DNAJB6: variants seen among roughly 807,000 people sequenced by gnomAD.
DNAJB6 encodes the protein DnaJ heat shock protein family (Hsp40) member B6.
DNAJB6 carries 16 observed loss-of-function variants against 42.7 expected under a neutral mutation model. That is an observed-to-expected ratio of 0.37 (90% CI 0.25 to 0.57). The LOEUF (loss-of-function observed/expected upper bound fraction) is 0.57, where lower values mean the gene tolerates loss of function less well. DNAJB6 is among the 20% of genes least tolerant of loss of function. The pLI is 0.74. For missense variants in DNAJB6, 347 were observed against 416.8 expected (o/e 0.83, Z 1.46); for synonymous variants, 170 against 163.5 (o/e 1.04, Z -0.30).
intron 8 of DNAJB6, among the ~76,000 whole-genome samples, chr7:157,393,924 C>A (rs1801467459): frequency 6.6e-6 from 1 of 152,176 alleles, no homozygotes; most frequent in Admixed American, 6.5e-5. Context: ...TTTATGTGTT[C>A]ACTGGAAGCA....
At position 157,385,123 on chromosome 7, in the gene DNAJB6, G is replaced by A. The variant is rs114756732; in HGVS notation, c.620+115G>A. 1,319 of 1,110,760 alleles carry A rather than the reference G, an allele frequency of 1.2e-3. 11 individuals are homozygous for A. In the African/African-American group the frequency reaches 0.017, roughly 15 times the overall value. 68.8% of individuals were successfully genotyped at this position (1,110,760 alleles called of 1,614,324 possible). On this transcript the variant is annotated intron_variant, in intron 7 of 9. Transcript: ENST00000262177. Reference sequence around the variant, plus strand: ...GAGGTTGTTGTATGCTAAATCTGGCGCCATGAAAATCTTTTGCTCTCCAAA... The same window carrying A: ...GAGGTTGTTGTATGCTAAATCTGGCACCATGAAAATCTTTTGCTCTCCAAA...
At chr7:157,354,313 A>G (rs952389715) in intron 1 of DNAJB6, among the ~76,000 whole-genome samples, 1 of 151,786 alleles carries the variant, frequency 6.6e-6, no homozygotes, top group Admixed American at 6.6e-5. Context: ...ACGCCCGGCT[A>G]ATTTTGTATT....
chr7:157,352,010 C>G (rs906284001), intron 1 of DNAJB6, among the ~76,000 whole-genome samples: 1 of 151,674 alleles, frequency 6.6e-6, no homozygotes, highest in African/African-American at 2.4e-5. Flanking sequence ...AACAAACAAA[C>G]AAACAAACAA....
chr7:157,370,769 C>G (rs899147946), intron 5 of DNAJB6: 16 of 152,604 alleles, frequency 1.0e-4, no homozygotes, highest in Non-Finnish European at 7.3e-5. Flanking sequence ...TATAGGTGTT[C>G]TAGATGACTT....
Position 157,416,281 on chromosome 7 carries a change from G to T in DNAJB6, c.*183G>T. The T allele has an allele frequency of 1.1e-6, 1 of 896,462 alleles. No homozygotes were observed. The highest frequency in any genetic ancestry group is 1.6e-6 in the Non-Finnish European group (1 of 606,692). The allele number at this position is 896,462 out of a possible 1,614,324, so 55.5% of individuals were successfully genotyped here. A position where few individuals can be genotyped will look rare whatever the true frequency, so the allele number is the denominator to read the frequency against. On this transcript the variant is annotated 3_prime_UTR_variant, in exon 10 of 10. Transcript: ENST00000262177. ...GTCAGGAGACGGGGCTGACGGCACGGGTGGCGGGGACAGACGTTTGGGACT... is the reference window on the plus strand; with the variant it reads ...GTCAGGAGACGGGGCTGACGGCACGTGTGGCGGGGACAGACGTTTGGGACT...
At position 157,339,055 on chromosome 7, in the gene DNAJB6, A is replaced by G. The variant is rs1420583288; in HGVS notation, c.-27+1911A>G. On this transcript the variant is annotated intron_variant, in intron 1 of 9. Coordinates refer to ENST00000262177, the MANE Select transcript of DNAJB6 (RefSeq NM_058246.4). ...CTGGCTGTAGGACAGTTTTTCCGGA[A>G]CACTAGGTGGGGAGTGTTGAATGTT... Among the ~76,000 whole-genome samples the G allele has an allele frequency of 3.9e-5, 6 of 152,192 alleles. No homozygotes were observed. In the East Asian group the frequency reaches 1.2e-3, roughly 29 times the overall value.
At chr7:157,363,304 C>A (rs202182637) in intron 3 of DNAJB6, 34 bp downstream of exon 3, 8 of 1,444,248 alleles carry the variant, frequency 5.5e-6, no homozygotes, top group Non-Finnish European at 6.8e-6. Flanking sequence ...GGACCCTGAG[C>A]GGGCATGCCG....
Position 157,416,032 on chromosome 7 carries a change from C to T in DNAJB6, c.915C>T (p.Gly305=), listed in dbSNP as rs1796099809. ...TTTCCTTAGGATTGAAAGAAGGTGG[C>T]AAGAGGAAGAAGCAGAAGCAGAGAG... is the stretch of plus-strand genomic sequence containing the variant. ...LASAAGLKEG[G]KRKKQKQREE... The change falls in exon 10 of 10, where the codon GGC becomes GGT. Residue 305 remains glycine, a synonymous_variant. Transcript: ENST00000262177. 2 of 1,614,150 alleles carry T rather than the reference C, an allele frequency of 1.2e-6. No individual in the cohort carries two copies. The highest frequency in any genetic ancestry group is 2.2e-5 in the East Asian group (1 of 44,886).
chr7:157,372,502 C>G (rs1397180430), intron 5 of DNAJB6, among the ~76,000 whole-genome samples: 1 of 152,202 alleles, frequency 6.6e-6, no homozygotes, highest in East Asian at 1.9e-4. Flanking sequence ...CAAGGAGCTG[C>G]CCGAGTGGGA....
intron 8 of DNAJB6, among the ~76,000 whole-genome samples, chr7:157,399,815 C>T (rs2240990): frequency 0.48 from 73,441 of 151,908 alleles, 18,214 homozygotes; most frequent in African/African-American, 0.61. Flanking sequence ...ATTACAGGTG[C>T]GCGCCACCAC....
In DNAJB6 at chr7:157,337,016, GGAGAAAGGA is replaced by G. The variant is rs754941044; in HGVS notation, c.-145_-137del. On this transcript the variant is annotated 5_prime_UTR_variant, in exon 1 of 10. Transcript: ENST00000262177. ...CGTGACGCATTTCCTGTTTGTTGTTGGAGAAAGGAGAGAAAGGAAAGCGCGAGGAGCCGC... is the reference window on the plus strand; with the variant it reads ...CGTGACGCATTTCCTGTTTGTTGTTGGAGAAAGGAAAGCGCGAGGAGCCGC... 873 of 152,668 alleles carry G rather than the reference GGAGAAAGGA, an allele frequency of 5.7e-3. 9 individuals carry two copies. The highest frequency in any genetic ancestry group is 8.8e-3 in the Non-Finnish European group (602 of 68,314). The allele number at this position is 152,668 out of a possible 1,614,324, so 9.5% of individuals were successfully genotyped here. A position where few individuals can be genotyped will look rare whatever the true frequency, so the allele number is the denominator to read the frequency against.
intron 5 of DNAJB6, chr7:157,369,259 A>G (rs1415318433): frequency 2.2e-6 from 1 of 456,600 alleles, no homozygotes; most frequent in African/African-American, 2.0e-5. Context: ...CAGGCAAGAA[A>G]TATTTCTCTA....
At chr7:157,392,810 T>C (rs994895514) in intron 8 of DNAJB6, among the ~76,000 whole-genome samples, 1 of 152,202 alleles carries the variant, frequency 6.6e-6, no homozygotes, top group Admixed American at 6.5e-5. Flanking sequence ...TGTAAAGTGC[T>C]GTCTTAATAT....
At chr7:157,347,717 A>G (rs1345937132) in intron 1 of DNAJB6, among the ~76,000 whole-genome samples, 3 of 152,018 alleles carry the variant, frequency 2.0e-5, no homozygotes, top group Non-Finnish European at 4.4e-5. Context: ...TTAGTAAACT[A>G]ATTAAGCATC....
In DNAJB6 at chr7:157,361,348, G is replaced by A. The variant is rs1312466111; in HGVS notation, c.66-1813G>A. Among the ~76,000 whole-genome samples the A allele has an allele frequency of 2.0e-5, 3 of 151,932 alleles. 1 individual carries two copies. In the East Asian group the frequency reaches 5.8e-4, roughly 29 times the overall value. On this transcript the variant is annotated intron_variant, in intron 2 of 9. Transcript: ENST00000262177. ...TAATTTTTATATTTTTAATAGAGAC[G>A]GGGTTTCACCATGTTGGCCAGGATG...
intron 1 of DNAJB6, among the ~76,000 whole-genome samples, chr7:157,343,949 TTTTCTTAA>T (rs1352852084): frequency 3.3e-5 from 5 of 152,198 alleles, no homozygotes; most frequent in African/African-American, 9.6e-5. Flanking sequence ...AAGAAATATT[TTTTCTTAA>T]TTTCTTAATT....
At chr7:157,377,986 T>TA (rs1563134199) in intron 5 of DNAJB6, 2 of 152,326 alleles carry the variant, frequency 1.3e-5, no homozygotes, top group East Asian at 1.9e-4. Context: ...TTCTCCTTGA[T>TA]ACGGGGTAAC....
chr7:157,356,990 G>A (rs80191925), intron 1 of DNAJB6, among the ~76,000 whole-genome samples: 1,671 of 149,974 alleles, frequency 0.011, 42 homozygotes, highest in East Asian at 0.06. Flanking sequence ...TTTGATGAAA[G>A]GACTTCCATA....
At chr7:157,410,590 C>A (rs1009926783) in intron 9 of DNAJB6, 2 of 155,602 alleles carry the variant, frequency 1.3e-5, no homozygotes, top group Non-Finnish European at 2.8e-5. Flanking sequence ...TTCTGGGTCA[C>A]CCTGAGGACG....
Sources: gnomAD v4.1 joint callset for allele counts (sites outside exome capture counted in the v4.1 genomes callset) on GRCh38, gnomAD v4.1.1 for gene constraint, MANE v1.5 for transcripts, NCBI Gene and HGNC (gene_info 2026-07-23, HGNC 2026-07-21) for gene names.